The following LRP1B variants were observed in gnomAD, a reference collection of about 807,000 sequenced individuals.
The protein encoded by LRP1B is low-density lipoprotein receptor-related protein 1B.
Under a neutral mutation model 556.6 loss-of-function variants are expected in LRP1B, and 217 were observed. The ratio of observed to expected loss-of-function variants is 0.39; its 90% CI spans 0.35 to 0.44. The LOEUF is 0.44. LRP1B is among the 20% of genes least tolerant of loss of function. LRP1B has a pLI of 1.00. For synonymous variants in LRP1B, 2,047 were observed against 1,865.8 expected, an observed-to-expected ratio of 1.10 and a Z score of -2.50; for missense variants, 5,053 against 5,620.8, an observed-to-expected ratio of 0.90 and a Z score of 3.23.
At chr2:140,235,621 A>C (rs1026555012) in intron 89 of LRP1B, among the ~76,000 whole-genome samples, 1 of 151,136 alleles carries the variant, frequency 6.6e-6, no homozygotes, top group Non-Finnish European at 1.5e-5. Context: ...AATTTTGGTT[A>C]TTCAGTCATC....
At chr2:141,315,367 C>T (rs1686989377) in intron 3 of LRP1B, among the ~76,000 whole-genome samples, 1 of 136,854 alleles carries the variant, frequency 7.3e-6, no homozygotes, top group African/African-American at 2.7e-5. Flanking sequence ...TCATCCCATT[C>T]TCCTGCCTCA....
chr2:142,129,608 C>T (rs796512753), intron 1 of LRP1B, among the ~76,000 whole-genome samples: 1 of 108,108 alleles, frequency 9.3e-6, no homozygotes, highest in Admixed American at 8.8e-5. Flanking sequence ...CTCTCTCTCT[C>T]TCTCTCTCTC....
At chr2:141,957,131 C>T (rs1701275835) in intron 1 of LRP1B, among the ~76,000 whole-genome samples, 1 of 151,748 alleles carries the variant, frequency 6.6e-6, no homozygotes, top group East Asian at 1.9e-4. Context: ...ATATTTTTGT[C>T]ATTATATATT....
chr2:141,608,787 G>A (rs1688008786), intron 2 of LRP1B, among the ~76,000 whole-genome samples: 1 of 152,102 alleles, frequency 6.6e-6, no homozygotes, highest in African/African-American at 2.4e-5. Flanking sequence ...CCTATAGTCA[G>A]TTGATTCTCA....
chr2:140,288,169 C>A lies in LRP1B; in HGVS notation c.12967+9639G>T, dbSNP rs184883739. 5.1e-4 allele frequency among the ~76,000 whole-genome samples: 76 copies of A among 148,062 alleles called. 1 individual carries two copies. Among genetic ancestry groups the A allele is most frequent in the African/African-American group, 1.8e-3 (72 of 40,208 alleles). On this transcript the variant is annotated intron_variant, in intron 84 of 90. Coordinates refer to ENST00000389484, the MANE Select transcript of LRP1B (RefSeq NM_018557.3). ...TTTGGGGATTTTTTTTTTTCCTTGA[C>A]AGCTGACAATGACATACTGACTCAT...
intron 27 of LRP1B, among the ~76,000 whole-genome samples, chr2:140,862,427 A>T (rs1183595297): frequency 1.3e-5 from 2 of 152,230 alleles, no homozygotes; most frequent in Non-Finnish European, 2.9e-5. Context: ...TAACTGCAAC[A>T]GAGAACACAT....
intron 32 of LRP1B, among the ~76,000 whole-genome samples, chr2:140,808,309 C>T (rs1690797649): frequency 1.3e-5 from 2 of 149,850 alleles, no homozygotes; most frequent in African/African-American, 4.9e-5. Context: ...AACCTTATCA[C>T]CTGGGAAGAT....
intron 1 of LRP1B, among the ~76,000 whole-genome samples, chr2:141,888,902 C>T (rs929636176): frequency 2.0e-5 from 3 of 152,104 alleles, no homozygotes; most frequent in African/African-American, 7.2e-5. Context: ...TGACGGCCAA[C>T]CAGCCAGGGA....
intron 2 of LRP1B, among the ~76,000 whole-genome samples, chr2:141,666,908 T>C (rs1489611186): frequency 6.6e-6 from 1 of 152,204 alleles, no homozygotes; most frequent in Non-Finnish European, 1.5e-5. Context: ...CATTACTGGA[T>C]GTTTTTCTTA....
chr2:141,181,359 G>A (rs1249423), intron 7 of LRP1B, among the ~76,000 whole-genome samples: 151,756 of 152,046 alleles, frequency 1, 75,733 homozygotes, highest in Middle Eastern at 1. Flanking sequence ...CAAAGTAACC[G>A]AACTATATGT....
At chr2:141,957,145 A>G (rs551452972) in intron 1 of LRP1B, among the ~76,000 whole-genome samples, 3 of 152,024 alleles carry the variant, frequency 2.0e-5, no homozygotes, top group Admixed American at 1.3e-4. Context: ...ATATATTTGT[A>G]TACTTTTCAC....
chr2:141,120,092 GA>G (rs1319056141), intron 7 of LRP1B, among the ~76,000 whole-genome samples: 1 of 151,898 alleles, frequency 6.6e-6, no homozygotes, highest in Non-Finnish European at 1.5e-5. Flanking sequence ...TTCATTGAGT[GA>G]CAGAGGTTCT....
At chr2:141,759,242 A>G (rs190241633) in intron 2 of LRP1B, among the ~76,000 whole-genome samples, 110 of 152,336 alleles carry the variant, frequency 7.2e-4, no homozygotes, top group Non-Finnish European at 1.4e-3. Context: ...GAATAAAATT[A>G]CAAAGAATAC....
intron 18 of LRP1B, among the ~76,000 whole-genome samples, chr2:140,954,102 A>C (rs1408824699): frequency 6.6e-6 from 1 of 152,228 alleles, no homozygotes; most frequent in Non-Finnish European, 1.5e-5. Flanking sequence ...GATTCAGTTA[A>C]CAAGATTTTG....
At chr2:141,864,717 T>TA (rs1698351120) in intron 1 of LRP1B, among the ~76,000 whole-genome samples, 1 of 151,828 alleles carries the variant, frequency 6.6e-6, no homozygotes, top group African/African-American at 2.4e-5. Context: ...CCGTCTCTAC[T>TA]AAAAAAATAC....
chr2:140,816,604 T>C (rs1691132518), intron 31 of LRP1B, among the ~76,000 whole-genome samples: 1 of 152,158 alleles, frequency 6.6e-6, no homozygotes, highest in Non-Finnish European at 1.5e-5. Context: ...AATCTCTCTA[T>C]ATATATGTAT....
intron 1 of LRP1B, among the ~76,000 whole-genome samples, chr2:142,061,859 G>A (rs1025551846): frequency 5.3e-5 from 8 of 151,858 alleles, no homozygotes; most frequent in African/African-American, 1.9e-4. Context: ...GAAATTTTAG[G>A]TTAATAAATT....
At position 142,014,685 on chromosome 2, in the gene LRP1B, C is replaced by T. The variant is rs573632548; in HGVS notation, c.82+115963G>A. Among the ~76,000 whole-genome samples, 4 of 152,200 alleles carry T rather than the reference C, an allele frequency of 2.6e-5. No individual in the cohort carries two copies. The South Asian group carries it at 6.2e-4, about 24-fold the overall frequency. On this transcript the variant is annotated intron_variant, in intron 1 of 90. Transcript: ENST00000389484. ...AGTTGACTGTCAAGTATTGGAAGCA[C>T]GTACATTAAAATAACTGACAGAGTT...
At chr2:140,531,939 A>G (rs1191800626) in intron 47 of LRP1B, among the ~76,000 whole-genome samples, 1 of 152,124 alleles carries the variant, frequency 6.6e-6, no homozygotes, top group African/African-American at 2.4e-5. Flanking sequence ...CTTTTCATAT[A>G]TAATTTGTTA....
Sources: allele counts gnomAD v4.1 joint callset (sites outside exome capture counted in the v4.1 genomes callset), GRCh38; gene constraint gnomAD v4.1.1; transcripts MANE v1.5; gene names NCBI Gene and HGNC (gene_info 2026-07-23, HGNC 2026-07-21).